Variants in TFDP2 observed in about 807,000 individuals in gnomAD.
TFDP2 encodes the protein transcription factor Dp-2.
A neutral mutation model predicts 59.3 loss-of-function variants in TFDP2; 17 were observed. The ratio of observed to expected loss-of-function variants is 0.29; its 90% CI spans 0.20 to 0.43. The LOEUF is 0.43. Among genes scored for constraint, TFDP2 ranks in the 20% least tolerant of loss-of-function variants. TFDP2 has a pLI of 1.00. For missense variants in TFDP2, 391 were observed against 528.8 expected (o/e 0.74, Z 2.56); for synonymous variants, 180 against 194.7 (o/e 0.92, Z 0.63).
At chr3:142,113,059 T>C (rs917305734) in intron 1 of TFDP2, among the ~76,000 whole-genome samples, 1 of 152,172 alleles carries the variant, frequency 6.6e-6, no homozygotes, top group Non-Finnish European at 1.5e-5. Flanking sequence ...AAACATTCTT[T>C]TATCAAGCAG....
chr3:141,977,290 G>T lies in TFDP2; in HGVS notation c.519+1230C>A, dbSNP rs1576544777. On this transcript the variant is annotated intron_variant, in intron 7 of 12. Coordinates refer to ENST00000489671, the MANE Select transcript of TFDP2 (RefSeq NM_001178139.2). ...TTTAAAAAAAAAAACTTTTTGTAGA[G>T]GTCAGGCATGGTGGCTCATGCCTGT... 2.7e-5 allele frequency among the ~76,000 whole-genome samples: 4 copies of T among 150,078 alleles called. No individual in the cohort carries two copies. In the East Asian group the frequency reaches 7.8e-4, roughly 29 times the overall value.
At chr3:142,006,121 T>C (rs1944190048) in intron 3 of TFDP2, among the ~76,000 whole-genome samples, 1 of 152,212 alleles carries the variant, frequency 6.6e-6, no homozygotes, top group African/African-American at 2.4e-5. Context: ...ATCTGTACCG[T>C]GTTTTCAAGT....
intron 3 of TFDP2, among the ~76,000 whole-genome samples, chr3:142,088,383 T>C (rs1374207634): frequency 2.0e-5 from 3 of 150,606 alleles, no homozygotes; most frequent in African/African-American, 7.3e-5. Context: ...CAGGCTGGAG[T>C]GCGGTGGCGT....
intron 4 of TFDP2, among the ~76,000 whole-genome samples, chr3:142,004,447 G>A (rs1011315297): frequency 2.1e-4 from 32 of 152,198 alleles, no homozygotes; most frequent in African/African-American, 7.7e-4. Flanking sequence ...CACCGGCAAT[G>A]AAGAGTTATT....
At chr3:141,996,405 T>A (rs1008487777) in intron 4 of TFDP2, among the ~76,000 whole-genome samples, 1 of 152,202 alleles carries the variant, frequency 6.6e-6, no homozygotes, top group Non-Finnish European at 1.5e-5. Context: ...GTGTTCATGA[T>A]AGTAAGTTTT....
chr3:142,010,917 A>G (rs1443976192), intron 3 of TFDP2, among the ~76,000 whole-genome samples: 12 of 121,662 alleles, frequency 9.9e-5, no homozygotes, highest in Middle Eastern at 3.9e-3. Context: ...TTAGAATGGC[A>G]ATCATTAAAA....
rs1944656846 is a variant in TFDP2, at chr3:142,011,268, T to G, written c.83-5724A>C. On this transcript the variant is annotated intron_variant, in intron 3 of 12. Coordinates refer to ENST00000489671, the MANE Select transcript of TFDP2 (RefSeq NM_001178139.2). The stretch of plus-strand genomic sequence containing the variant: ...TGGAATACTATGCAGCCATAAAAAA[T>G]GATGAGTTCATGTCCTTTGTAGGGA... Among the ~76,000 whole-genome samples, 15 of 77,246 alleles carry G rather than the reference T, an allele frequency of 1.9e-4. No homozygotes were observed. In the South Asian group the frequency reaches 6.8e-3, roughly 35 times the overall value. 50.7% of individuals were successfully genotyped at this position (77,246 alleles called of 152,430 possible).
chr3:142,097,418 C>G (rs927933493), intron 2 of TFDP2, among the ~76,000 whole-genome samples: 2 of 152,162 alleles, frequency 1.3e-5, no homozygotes, highest in African/African-American at 4.8e-5. Flanking sequence ...AGGCCAGGCA[C>G]CATGGCTCAT....
chr3:142,144,347 G>T (rs556253058), intron 1 of TFDP2, among the ~76,000 whole-genome samples: 1 of 151,624 alleles, frequency 6.6e-6, no homozygotes, highest in South Asian at 2.1e-4. Flanking sequence ...GCCAGCCTGG[G>T]CAATAGAGCA....
chr3:142,037,686 A>G (rs1400503385), intron 3 of TFDP2, among the ~76,000 whole-genome samples: 5 of 152,336 alleles, frequency 3.3e-5, no homozygotes, highest in African/African-American at 1.2e-4. Context: ...TAAGAGAGGG[A>G]ATCCAGTCCT....
chr3:142,127,755 T>TTATA (rs1311290307), intron 1 of TFDP2, among the ~76,000 whole-genome samples: 8 of 152,156 alleles, frequency 5.3e-5, no homozygotes, highest in Non-Finnish European at 1.2e-4. Context: ...CATTTATAAG[T>TTATA]TATATATACA....
rs1039663617 is a variant in TFDP2, at chr3:141,951,454, T to C, written c.*1059A>G. The C allele has an allele frequency of 6.6e-6, 1 of 152,586 alleles. No homozygotes were observed. Among genetic ancestry groups the C allele is most frequent in the African/African-American group, 2.4e-5 (1 of 41,436 alleles). 9.5% of individuals were successfully genotyped at this position (152,586 alleles called of 1,614,324 possible). On this transcript the variant is annotated 3_prime_UTR_variant, in exon 13 of 13. Transcript: ENST00000489671. ...GACCCCAGGAGTAGGCTCAATAAGG[T>C]CATTCTGATTAATGAAAATGTGAAA...
chr3:142,095,685 T>C (rs971680149), intron 2 of TFDP2, among the ~76,000 whole-genome samples: 2 of 152,360 alleles, frequency 1.3e-5, no homozygotes, highest in Non-Finnish European at 1.5e-5. Flanking sequence ...GGCTCTTCAG[T>C]TGCTCACAAA....
In TFDP2 at chr3:141,949,807, A is replaced by ATTTTTTTTT. The variant is rs759658026; in HGVS notation, c.*2697_*2705dup. 8.0e-3 allele frequency: 783 copies of ATTTTTTTTT among 97,928 alleles called. 53 individuals are homozygous for ATTTTTTTTT. The highest frequency in any genetic ancestry group is 9.8e-3 in the Non-Finnish European group (536 of 54,542). The allele number at this position is 97,928 out of a possible 1,614,324, so 6.1% of individuals were successfully genotyped here. On this transcript the variant is annotated 3_prime_UTR_variant, in exon 13 of 13. Transcript: ENST00000489671. ...CCTGGGCATTGTGACCACAACTTCC[A>ATTTTTTTTT]TTTTTTTTTTTTTTTTTTTTGAGAC... is the stretch of plus-strand genomic sequence containing the variant.
intron 3 of TFDP2, among the ~76,000 whole-genome samples, chr3:142,013,085 T>C (rs1302236594): frequency 2.6e-5 from 4 of 152,016 alleles, no homozygotes; most frequent in African/African-American, 7.2e-5. Flanking sequence ...TGCCATGAGC[T>C]AAGATCGCAC....
intron 3 of TFDP2, among the ~76,000 whole-genome samples, chr3:142,042,142 T>C (rs1298200761): frequency 6.6e-6 from 1 of 152,250 alleles, no homozygotes. Context: ...TTTAAACTTA[T>C]ATGTTAACAT....
At chr3:142,051,701 T>C (rs986980590) in intron 3 of TFDP2, among the ~76,000 whole-genome samples, 3 of 152,220 alleles carry the variant, frequency 2.0e-5, no homozygotes, top group Non-Finnish European at 4.4e-5. Context: ...CAATTGATAT[T>C]TGACAAAGGT....
chr3:141,991,340 T>C (rs1453491242), intron 6 of TFDP2, among the ~76,000 whole-genome samples: 5 of 152,198 alleles, frequency 3.3e-5, no homozygotes, highest in Non-Finnish European at 5.9e-5. Flanking sequence ...TAAGGAGTTA[T>C]ATAAAATATA....
chr3:142,115,773 C>A (rs1203263595), intron 1 of TFDP2, among the ~76,000 whole-genome samples: 3 of 152,120 alleles, frequency 2.0e-5, no homozygotes, highest in Middle Eastern at 3.4e-3. Flanking sequence ...TTAAATGTTA[C>A]AATAGTGCTA....
Sources: gnomAD v4.1 joint callset for allele counts (sites outside exome capture counted in the v4.1 genomes callset) on GRCh38, gnomAD v4.1.1 for gene constraint, MANE v1.5 for transcripts, NCBI Gene and HGNC (gene_info 2026-07-23, HGNC 2026-07-21) for gene names.